The following HPX variants were observed in gnomAD, a reference collection of about 807,000 sequenced individuals.
The protein encoded by HPX is beta-1B-glycoprotein.
Under a neutral mutation model 53.8 loss-of-function variants are expected in HPX, and 42 were observed. That is an observed-to-expected ratio of 0.78 (90% CI 0.61 to 1.01). The LOEUF (loss-of-function observed/expected upper bound fraction) is 1.01, where lower values mean the gene tolerates loss of function less well. Ranked by LOEUF, HPX falls within the 50% of genes least tolerant of loss-of-function variation. HPX has a pLI of 0.00. For missense variants in HPX, 547 were observed against 594.3 expected (o/e 0.92, Z 0.83); for synonymous variants, 229 against 221.1 (o/e 1.04, Z -0.32).
intron 9 of HPX, 21 bp from the exon 10 acceptor site, chr11:6,431,491 A>G (rs1378571579): frequency 6.2e-7 from 1 of 1,613,664 alleles, no homozygotes; most frequent in East Asian, 2.2e-5. Context: ...GGCACCAAAC[A>G]TAGCATGGCT....
intron 3 of HPX, 66 bp downstream of exon 3, chr11:6,440,401 A>C (rs1849466725): frequency 6.3e-7 from 1 of 1,589,994 alleles, no homozygotes; most frequent in Non-Finnish European, 8.6e-7. Context: ...TCCCACAGAC[A>C]GGGACACCCT....
intron 3 of HPX, 71 bp downstream of exon 3, chr11:6,440,396 C>G: frequency 1.3e-6 from 2 of 1,590,626 alleles, no homozygotes. Flanking sequence ...AGACCTCCCA[C>G]AGACAGGGAC....
At chr11:6,440,439 TA>T in intron 3 of HPX, 27 bp downstream of exon 3, 1 of 1,602,776 alleles carries the variant, frequency 6.2e-7, no homozygotes. Flanking sequence ...TCTAAGGTCC[TA>T]AACGCCCTAA....
chr11:6,434,505 A>G (rs1172511297), intron 7 of HPX, among the ~76,000 whole-genome samples: 2 of 151,890 alleles, frequency 1.3e-5, no homozygotes, highest in African/African-American at 4.8e-5. Context: ...AATTTTTTGT[A>G]TTTTTAGTAG....
At chr11:6,436,021 G>C (rs1426225981) in intron 7 of HPX, among the ~76,000 whole-genome samples, 2 of 152,078 alleles carry the variant, frequency 1.3e-5, no homozygotes, top group African/African-American at 4.8e-5. Flanking sequence ...CTCCCACCAT[G>C]GCTGTGTGTT....
chr11:6,436,653 G>A (rs1351333245), intron 7 of HPX, among the ~76,000 whole-genome samples: 1 of 152,226 alleles, frequency 6.6e-6, no homozygotes, highest in Non-Finnish European at 1.5e-5. Context: ...ATCAGGGGGA[G>A]CCAGAGGACT....
At position 6,431,095 on chromosome 11, in the gene HPX, T is replaced by G; in HGVS notation, c.*116A>C. ...TCTTTATTATGAGAAACTGGGGAGGTGGGGCCAGGCCAGACTCATGTCAGA... is the reference window on the plus strand; with the variant it reads ...TCTTTATTATGAGAAACTGGGGAGGGGGGGCCAGGCCAGACTCATGTCAGA... On this transcript the variant is annotated 3_prime_UTR_variant, in exon 10 of 10. Transcript: ENST00000265983. The G allele has an allele frequency of 7.3e-7, 1 of 1,377,498 alleles. No individual in the cohort carries two copies. The highest frequency in any genetic ancestry group is 9.8e-7 in the Non-Finnish European group (1 of 1,022,278). The allele number at this position is 1,377,498 out of a possible 1,614,324, so 85.3% of individuals were successfully genotyped here.
At chr11:6,432,278 A>T (rs1849361163) in intron 7 of HPX, 2 of 518,586 alleles carry the variant, frequency 3.9e-6, no homozygotes. Context: ...GGTAAGGCCA[A>T]CATCATGGGG....
At chr11:6,432,496 C>A (rs754175563) in intron 7 of HPX, among the ~76,000 whole-genome samples, 3 of 152,158 alleles carry the variant, frequency 2.0e-5, no homozygotes, top group Non-Finnish European at 2.9e-5. Flanking sequence ...CCTCTTTTCA[C>A]AACAACTTAT....
At chr11:6,433,009 C>T (rs774438841) in intron 7 of HPX, among the ~76,000 whole-genome samples, 5 of 152,148 alleles carry the variant, frequency 3.3e-5, no homozygotes, top group Non-Finnish European at 5.9e-5. Flanking sequence ...AATAGGCACC[C>T]AAAACCTAAT....
Position 6,437,059 on chromosome 11 carries a change from G to A in HPX, c.822C>T (p.Thr274=), listed in dbSNP as rs1371078879. 3.1e-6 allele frequency: 5 copies of A among 1,614,132 alleles called. No individual in the cohort carries two copies. In the South Asian group the frequency reaches 5.5e-5, roughly 18 times the overall value. The change falls in exon 7 of 10, where the codon ACC becomes ACT. Residue 274 remains threonine, a synonymous_variant. Coordinates refer to ENST00000265983, the MANE Select transcript of HPX (RefSeq NM_000613.3). ...SALTSDNHGA[T]YAFSGTHYWR... is the part of the protein sequence containing the mutation. ...GGCATCTCTCACCACTGAAGGCATA[G>A]GTGGCACCATGGTTGTCAGACGTCA...
intron 2 of HPX, 55 bp downstream of exon 2, chr11:6,440,617 A>C: frequency 6.6e-7 from 1 of 1,510,274 alleles, no homozygotes; most frequent in South Asian, 1.2e-5. Flanking sequence ...GAAGGTGATA[A>C]AATGCAGAGA....
Position 6,431,631 on chromosome 11 carries a change from A to G in HPX, c.1129+10T>C. On this transcript the variant is annotated intron_variant, in intron 9 of 9. Coordinates refer to ENST00000265983, the MANE Select transcript of HPX (RefSeq NM_000613.3). Reference sequence around the variant, plus strand: ...ACAAGCTGCCCTCTAAGCACCCAGAAGCCCCTCACCTGCCATGATATGGAG... The same window carrying G: ...ACAAGCTGCCCTCTAAGCACCCAGAGGCCCCTCACCTGCCATGATATGGAG... 6.2e-7 allele frequency: 1 copy of G among 1,613,086 alleles called. No individual in the cohort carries two copies. The highest frequency in any genetic ancestry group is 8.5e-7 in the Non-Finnish European group (1 of 1,179,962).
In HPX at chr11:6,431,719, T is replaced by A; in HGVS notation, c.1051A>T (p.Thr351Ser). ...YPKRLEKEVG[T>S]PHGIILDSVD... ...GAGTCCAGGATAATCCCATGAGGGGTCCCGACTTCCTTCTCCAGCCGCTTC... is the reference window on the plus strand; with the variant it reads ...GAGTCCAGGATAATCCCATGAGGGGACCCGACTTCCTTCTCCAGCCGCTTC... Residue 351 changes from threonine to serine, a missense_variant, in exon 9 of 10, where the codon ACC becomes TCC. Thr to Ser is a moderately conservative substitution (Grantham distance 58). Coordinates refer to ENST00000265983, the MANE Select transcript of HPX (RefSeq NM_000613.3). 6.2e-7 allele frequency: 1 copy of A among 1,614,000 alleles called. No individual in the cohort carries two copies.
At chr11:6,438,188 C>G in intron 5 of HPX, 168 bp downstream of exon 5, 1 of 693,590 alleles carries the variant, frequency 1.4e-6, no homozygotes, top group South Asian at 1.8e-5. Flanking sequence ...ATGACTTCCT[C>G]TCCTTCCCTC....
At chr11:6,439,532 G>A (rs1486672720) in intron 4 of HPX, 3 of 155,508 alleles carry the variant, frequency 1.9e-5, no homozygotes. Flanking sequence ...TCAGAGCCAA[G>A]GTGATGGTTG....
At chr11:6,431,497 T>C (rs1359614277) in intron 9 of HPX, 27 bp from the exon 10 acceptor site, 1 of 1,613,378 alleles carries the variant, frequency 6.2e-7, no homozygotes, top group East Asian at 2.2e-5. Context: ...AAACATAGCA[T>C]GGCTTCCATG....
chr11:6,440,593 A>AC, intron 2 of HPX, 55 bp from the exon 3 acceptor site: 1 of 1,174,984 alleles, frequency 8.5e-7, no homozygotes. Context: ...AAAAAAAAAA[A>AC]AAAAAAAAAA....
In HPX at chr11:6,440,922, C is replaced by T; in HGVS notation, c.42G>A (p.Trp14Ter). Residue 14 changes from tryptophan (W) to a stop codon, truncating the protein, a stop_gained, in exon 1 of 10, where the codon TGG becomes TGA. Coordinates refer to ENST00000265983, the MANE Select transcript of HPX (RefSeq NM_000613.3). LOFTEE classifies it high-confidence loss of function. ...VLGAPVALGL[W>*]SLCWSLAIAT... The stretch of plus-strand genomic sequence containing the variant: ...CAATGGCCAGAGACCAGCATAGGCT[C>T]CACAACCCCAGTGCAACGGGTGCTC... 6.2e-7 allele frequency: 1 copy of T among 1,612,144 alleles called. No individual in the cohort carries two copies.
Sources: gnomAD v4.1 joint callset for allele counts (sites outside exome capture counted in the v4.1 genomes callset) on GRCh38, gnomAD v4.1.1 for gene constraint, MANE v1.5 for transcripts, NCBI Gene and HGNC (gene_info 2026-07-23, HGNC 2026-07-21) for gene names.